The following RALYL variants were observed in gnomAD, a reference collection of about 807,000 sequenced individuals.
RALYL encodes RALY RNA binding protein like.
A neutral mutation model predicts 35.1 loss-of-function variants in RALYL; 29 were observed. The ratio of observed to expected loss-of-function variants is 0.83; its 90% CI spans 0.61 to 1.13. The LOEUF is 1.13. Ranked by LOEUF, RALYL falls within the 50% of genes most tolerant of loss-of-function variation. The probability of loss-of-function intolerance (pLI) is 0.00; values close to 1 mark genes in which losing one functional copy is unlikely to be tolerated. For missense variants in RALYL, 359 were observed against 360.4 expected (o/e 1.00, Z 0.03); for synonymous variants, 120 against 127.6 (o/e 0.94, Z 0.40).
At chr8:84,829,470 G>T in intron 4 of RALYL, 1 of 157,204 alleles carries the variant, frequency 6.4e-6, no homozygotes. Flanking sequence ...GGAGTTTCAT[G>T]AGGTTTCATC....
At chr8:84,912,008 GT>G (rs1847588784) in intron 8 of RALYL, among the ~76,000 whole-genome samples, 1 of 152,028 alleles carries the variant, frequency 6.6e-6, no homozygotes, top group Non-Finnish European at 1.5e-5. Context: ...TAAATTTCAT[GT>G]TCAAGAGTTT....
intron 2 of RALYL, among the ~76,000 whole-genome samples, chr8:84,604,838 T>C (rs962668271): frequency 5.9e-5 from 9 of 152,128 alleles, no homozygotes; most frequent in South Asian, 4.1e-4. Flanking sequence ...TTATTATATG[T>C]GATAGATGAA....
chr8:84,453,417 A>G (rs188661949), intron 1 of RALYL, among the ~76,000 whole-genome samples: 1 of 152,136 alleles, frequency 6.6e-6, no homozygotes, highest in African/African-American at 2.4e-5. Context: ...GTATTTTATC[A>G]TGCAATTGAT....
intron 1 of RALYL, among the ~76,000 whole-genome samples, chr8:84,231,593 T>A (rs904388646): frequency 2.6e-5 from 4 of 152,194 alleles, no homozygotes; most frequent in African/African-American, 7.2e-5. Flanking sequence ...AGGGCCTTTT[T>A]AAAGATTTTA....
At chr8:84,628,936 A>G (rs570625819) in intron 2 of RALYL, among the ~76,000 whole-genome samples, 3 of 152,238 alleles carry the variant, frequency 2.0e-5, no homozygotes, top group African/African-American at 7.2e-5. Context: ...TTTGAAACAG[A>G]TAATCTAATA....
In RALYL at chr8:84,247,617, A is replaced by C. The variant is rs534621828; in HGVS notation, c.-24+63193A>C. ...GGACGCAGGCTTTAATTACTAGTGA[A>C]TTGTTAAATAAATCTGTTTGGTTTA... On this transcript the variant is annotated intron_variant, in intron 1 of 8. Transcript: ENST00000521268. 1.9e-3 allele frequency among the ~76,000 whole-genome samples: 293 copies of C among 152,150 alleles called. 1 individual carries two copies. The highest frequency in any genetic ancestry group is 6.7e-3 in the African/African-American group (279 of 41,528).
Position 84,921,160 on chromosome 8 carries a change from T to G in RALYL, c.*249T>G, listed in dbSNP as rs1849273427. The G allele has an allele frequency of 3.1e-6, 1 of 320,390 alleles. No homozygotes were observed. The highest frequency in any genetic ancestry group is 5.6e-5 in the East Asian group (1 of 17,930). 19.8% of individuals were successfully genotyped at this position (320,390 alleles called of 1,614,324 possible). On this transcript the variant is annotated 3_prime_UTR_variant, in exon 9 of 9. Transcript: ENST00000521268. The stretch of plus-strand genomic sequence containing the variant: ...TTCCCCTTTGCTAATTATGTTTTTT[T>G]TTTCAGTCTTAAAATGTGAAAGGCA...
At chr8:84,392,407 A>T (rs902535051) in intron 1 of RALYL, among the ~76,000 whole-genome samples, 11 of 151,870 alleles carry the variant, frequency 7.2e-5, no homozygotes, top group Non-Finnish European at 1.3e-4. Flanking sequence ...AATCTATTGA[A>T]GATATTTCCA....
intron 1 of RALYL, among the ~76,000 whole-genome samples, chr8:84,421,004 G>A (rs2045495431): frequency 8.6e-6 from 1 of 116,296 alleles, no homozygotes; most frequent in Admixed American, 9.1e-5. Flanking sequence ...TTGTTCTTTT[G>A]GCTTAGGATT....
At chr8:84,803,993 A>T (rs1823988307) in intron 3 of RALYL, among the ~76,000 whole-genome samples, 1 of 152,212 alleles carries the variant, frequency 6.6e-6, no homozygotes, top group East Asian at 1.9e-4. Flanking sequence ...ACTTACCAAC[A>T]GGTTTCCTTA....
intron 1 of RALYL, among the ~76,000 whole-genome samples, chr8:84,501,026 G>A (rs1010409459): frequency 6.6e-6 from 1 of 152,096 alleles, no homozygotes; most frequent in East Asian, 1.9e-4. Context: ...TGAGATTCAT[G>A]TTAATAAACC....
At chr8:84,839,731 C>A (rs959998731) in intron 4 of RALYL, among the ~76,000 whole-genome samples, 2 of 152,252 alleles carry the variant, frequency 1.3e-5, no homozygotes, top group Non-Finnish European at 2.9e-5. Flanking sequence ...TAGGGGCAGA[C>A]TGACACCTCA....
chr8:84,609,516 A>T (rs996374083), intron 2 of RALYL, among the ~76,000 whole-genome samples: 1 of 152,162 alleles, frequency 6.6e-6, no homozygotes, highest in Non-Finnish European at 1.5e-5. Flanking sequence ...AAAAGTATTC[A>T]TTAGAAGGTG....
rs115404400 is a variant in RALYL, at chr8:84,299,330, G to T, written c.-24+114906G>T. On this transcript the variant is annotated intron_variant, in intron 1 of 8. Transcript: ENST00000521268. ...CTAGAAATGAAGCCTACTTGATCGTGGTGGACTAGCTTTTTGATGTGCTGC... is the reference window on the plus strand; with the variant it reads ...CTAGAAATGAAGCCTACTTGATCGTTGTGGACTAGCTTTTTGATGTGCTGC... 3.6e-3 allele frequency among the ~76,000 whole-genome samples: 541 copies of T among 152,128 alleles called. 2 individuals are homozygous for T. The highest frequency in any genetic ancestry group is 0.012 in the African/African-American group (514 of 41,512).
At chr8:84,564,957 T>C (rs966524150) in intron 2 of RALYL, among the ~76,000 whole-genome samples, 3 of 151,686 alleles carry the variant, frequency 2.0e-5, no homozygotes, top group Non-Finnish European at 4.4e-5. Context: ...AATTTACTTA[T>C]CTGAATGTAA....
intron 2 of RALYL, among the ~76,000 whole-genome samples, chr8:84,683,596 CA>C (rs1836103664): frequency 1.3e-5 from 2 of 152,098 alleles, no homozygotes; most frequent in African/African-American, 4.8e-5. Flanking sequence ...GCATGGTTAG[CA>C]CAACTACATC....
At chr8:84,555,849 A>T (rs2135506528) in intron 2 of RALYL, among the ~76,000 whole-genome samples, 1 of 152,324 alleles carries the variant, frequency 6.6e-6, no homozygotes, top group African/African-American at 2.4e-5. Context: ...AACAATTTAG[A>T]ATGGAATAAA....
intron 2 of RALYL, among the ~76,000 whole-genome samples, chr8:84,695,110 G>T (rs1022807878): frequency 3.3e-5 from 5 of 151,640 alleles, no homozygotes; most frequent in Admixed American, 3.3e-4. Context: ...TATTATAAAA[G>T]TTTTCTTTTT....
intron 3 of RALYL, among the ~76,000 whole-genome samples, chr8:84,788,932 C>A (rs981884041): frequency 5.3e-5 from 8 of 152,212 alleles, no homozygotes; most frequent in Admixed American, 5.2e-4. Context: ...CTTATGACTG[C>A]AGATTAGTGA....
Sources: allele counts gnomAD v4.1 joint callset (sites outside exome capture counted in the v4.1 genomes callset), GRCh38; gene constraint gnomAD v4.1.1; transcripts MANE v1.5; gene names NCBI Gene and HGNC (gene_info 2026-07-23, HGNC 2026-07-21).